The following PLEKHG6 variants were observed in gnomAD, a reference collection of about 807,000 sequenced individuals.
The protein encoded by PLEKHG6 is pleckstrin homology and RhoGEF domain containing G6, also known as pleckstrin homology domain-containing family G member 6.
A neutral mutation model predicts 97.5 loss-of-function variants in PLEKHG6; 91 were observed. The observed-to-expected ratio is 0.93, with a 90% CI of 0.79 to 1.11. The LOEUF (loss-of-function observed/expected upper bound fraction) is 1.11. Ranked by LOEUF, PLEKHG6 falls within the 50% of genes most tolerant of loss-of-function variation. The pLI, the probability that PLEKHG6 is intolerant of heterozygous loss-of-function variation, is 0.00. For missense variants in PLEKHG6, 1,044 were observed against 1,031.0 expected, an observed-to-expected ratio of 1.01 and a Z score of -0.17; for synonymous variants, 466 against 425.5, an observed-to-expected ratio of 1.10 and a Z score of -1.17.
intron 13 of PLEKHG6, among the ~76,000 whole-genome samples, chr12:6,324,295 C>CT (rs1240647345): frequency 2.0e-5 from 2 of 97,920 alleles, no homozygotes; most frequent in African/African-American, 7.2e-5. Flanking sequence ...GCCCCCCTCC[C>CT]CCCCCCGCCG....
chr12:6,312,648 G>T, intron 2 of PLEKHG6: 1 of 1,235,542 alleles, frequency 8.1e-7, no homozygotes, highest in Non-Finnish European at 1.0e-6. Flanking sequence ...TGCGGGTAAG[G>T]TCATCAAACC....
At chr12:6,321,579 C>T (rs12822404) in intron 13 of PLEKHG6, among the ~76,000 whole-genome samples, 80,177 of 151,130 alleles carry the variant, frequency 0.53, 22,175 homozygotes, top group Non-Finnish European at 0.62. Context: ...TGGCTCACGC[C>T]TGTAATCCCA....
At position 6,319,127 on chromosome 12, in the gene PLEKHG6, C is replaced by G; in HGVS notation, c.1524+19C>G. On this transcript the variant is annotated intron_variant, in intron 13 of 15. Transcript: ENST00000684764. ...GGCCCAGGTATGGGAAAGCCAGCAA[C>G]GGGGAGGCATGGGCAGGGGTCCCCG... 1 of 1,549,706 alleles carries G rather than the reference C, an allele frequency of 6.5e-7. No homozygotes were observed. Among genetic ancestry groups the G allele is most frequent in the Non-Finnish European group, 8.9e-7 (1 of 1,127,814 alleles).
rs992308507 is a variant in PLEKHG6, at chr12:6,316,886, G to C, written c.757-417G>C. ...AGTGGGGTAGAGAGGTAGGCGTACT[G>C]CCCCTGGGAGCCTTAGGTACCCCCT... On this transcript the variant is annotated intron_variant, in intron 7 of 15. Transcript: ENST00000684764. This position sits in a 1 kb window ranked among gnomAD's most constrained non-coding sequence, Gnocchi z 4.1. Among the ~76,000 whole-genome samples the C allele has an allele frequency of 9.9e-5, 15 of 152,282 alleles. No individual in the cohort carries two copies. The highest frequency in any genetic ancestry group is 6.8e-3 in the Middle Eastern group (2 of 294).
In PLEKHG6 at chr12:6,316,960, C is replaced by G. The variant is rs1019406293; in HGVS notation, c.757-343C>G. 6.6e-6 allele frequency among the ~76,000 whole-genome samples: 1 copy of G among 152,156 alleles called. No individual in the cohort carries two copies. Among genetic ancestry groups the G allele is most frequent in the Non-Finnish European group, 1.5e-5 (1 of 68,010 alleles). On this transcript the variant is annotated intron_variant, in intron 7 of 15. Transcript: ENST00000684764. This position sits in a 1 kb window ranked among gnomAD's most constrained non-coding sequence, Gnocchi z 4.1. ...CAACTCTTAGGTCGCCACCCCACCC[C>G]CAGGGTGAAATGGGATCTGCAATGT...
chr12:6,312,423 C>G (rs1337707731), intron 2 of PLEKHG6, 59 bp downstream of exon 2: 12 of 1,499,996 alleles, frequency 8.0e-6, no homozygotes, highest in Non-Finnish European at 9.8e-6. Context: ...GACACCTAGG[C>G]TGTGGAGTCT....
chr12:6,317,490 C>G (rs1215206795), intron 8 of PLEKHG6, 57 bp from the exon 9 acceptor site: 1 of 1,612,034 alleles, frequency 6.2e-7, no homozygotes, highest in Non-Finnish European at 8.5e-7. Flanking sequence ...AGGCTGAGTT[C>G]ACCACTAGGC....
intron 13 of PLEKHG6, among the ~76,000 whole-genome samples, chr12:6,326,017 G>GT (rs945043263): frequency 5.6e-4 from 86 of 152,258 alleles, no homozygotes; most frequent in African/African-American, 2.0e-3. Context: ...ATTAAATAAG[G>GT]TAATGTAGGC....
chr12:6,324,206 G>C (rs1392508108), intron 13 of PLEKHG6, among the ~76,000 whole-genome samples: 3 of 151,986 alleles, frequency 2.0e-5, no homozygotes, highest in Non-Finnish European at 4.4e-5. Flanking sequence ...AGAGGCTTTG[G>C]GCTCGCTGGG....
rs1481671966 is a variant in PLEKHG6 at position 6,328,121 on chromosome 12, C to T, written c.2364-15C>T. Reference sequence around the variant, plus strand: ...GCCACTGAATGTCGCCTAACACCCCCTCCTGTCTTTTCAGAGAGGTATGAG... The same window carrying T: ...GCCACTGAATGTCGCCTAACACCCCTTCCTGTCTTTTCAGAGAGGTATGAG... On this transcript the variant is annotated splice_polypyrimidine_tract_variant and intron_variant, in intron 15 of 15. Transcript: ENST00000684764. 2 of 1,614,084 alleles carry T rather than the reference C, an allele frequency of 1.2e-6. No homozygotes were observed. The highest frequency in any genetic ancestry group is 8.5e-7 in the Non-Finnish European group (1 of 1,179,946).
At chr12:6,319,677 T>A in intron 13 of PLEKHG6, 1 of 1,532,490 alleles carries the variant, frequency 6.5e-7, no homozygotes, top group South Asian at 1.2e-5. Context: ...CCTGAAGGTT[T>A]GTACAGCCTG....
intron 11 of PLEKHG6, 21 bp from the exon 12 acceptor site, chr12:6,318,724 C>CA (rs1947584177): frequency 6.2e-7 from 1 of 1,611,134 alleles, no homozygotes; most frequent in South Asian, 1.1e-5. Context: ...CTGTCTCTTT[C>CA]CCCTACGCCC....
Position 6,317,534 on chromosome 12 carries a change from A to C in PLEKHG6, c.868-13A>C. On this transcript the variant is annotated splice_polypyrimidine_tract_variant and intron_variant, in intron 8 of 15. Transcript: ENST00000684764. ...AGGGAGCAAACCCTGAGCCCCACCC[A>C]CCTTCCCTGCAGTGGTGTGAGAAGC... 4 of 1,612,898 alleles carry C rather than the reference A, an allele frequency of 2.5e-6. No homozygotes were observed. The highest frequency in any genetic ancestry group is 1.1e-5 in the South Asian group (1 of 90,966).
In PLEKHG6 at chr12:6,327,716, C is replaced by A. The variant is rs1169034973; in HGVS notation, c.2133C>A (p.Ser711=). 1.3e-6 allele frequency: 2 copies of A among 1,559,014 alleles called. No homozygotes were observed. Among genetic ancestry groups the A allele is most frequent in the East Asian group, 2.3e-5 (1 of 44,402 alleles). ...CTGCCGGGGAAAGCCCCTGGGAGTC[C>A]TCAGGGGAGGAGGAAGAAGAGGGGC... ...ADSAGESPWE[S]SGEEEEEGPL... The change falls in exon 15 of 16, where the codon TCC becomes TCA. Residue 711 remains serine, a synonymous_variant. Coordinates refer to ENST00000684764, the MANE Select transcript of PLEKHG6 (RefSeq NM_001384598.1).
In PLEKHG6 at chr12:6,315,154, G is replaced by A; in HGVS notation, c.444G>A (p.Leu148=). Reference sequence around the variant, plus strand: ...CCATCGAGAAGTCCTGGAGGGAGCTGGTGCCTGGGCACAAGGTGAGCCTGA... The same window carrying A: ...CCATCGAGAAGTCCTGGAGGGAGCTAGTGCCTGGGCACAAGGTGAGCCTGA... ...GLTIEKSWRE[L]VPGHKEMSQE... Residue 148 remains leucine (L), a synonymous_variant, in exon 4 of 16, where the codon CTG becomes CTA. Transcript: ENST00000684764. This position sits in a 1 kb window ranked among gnomAD's most constrained non-coding sequence, Gnocchi z 4.5. 1 of 1,611,278 alleles carries A rather than the reference G, an allele frequency of 6.2e-7. No homozygotes were observed. Among genetic ancestry groups the A allele is most frequent in the Non-Finnish European group, 8.5e-7 (1 of 1,179,706 alleles).
At chr12:6,320,492 T>C (rs1947667275) in intron 13 of PLEKHG6, among the ~76,000 whole-genome samples, 1 of 152,126 alleles carries the variant, frequency 6.6e-6, no homozygotes, top group East Asian at 1.9e-4. Flanking sequence ...CCGTGGCTTG[T>C]GGTAACAAAA....
intron 3 of PLEKHG6, 133 bp downstream of exon 3, chr12:6,313,917 G>A: frequency 1.3e-6 from 1 of 746,344 alleles, no homozygotes; most frequent in Non-Finnish European, 2.1e-6. Context: ...ACATGGCTCT[G>A]CCTAGGACCT....
chr12:6,318,083 C>T, intron 10 of PLEKHG6, 89 bp downstream of exon 10: 1 of 1,443,944 alleles, frequency 6.9e-7, no homozygotes, highest in Non-Finnish European at 9.3e-7. Flanking sequence ...ACACCCCGTA[C>T]TTGGGTGCTA....
At chr12:6,319,357 A>G (rs1947620330) in intron 13 of PLEKHG6, 2 of 646,130 alleles carry the variant, frequency 3.1e-6, no homozygotes, top group South Asian at 4.1e-5. Flanking sequence ...CTGAGGCAGG[A>G]GAATCACTTG....
Sources: gnomAD v4.1 joint callset for allele counts (sites outside exome capture counted in the v4.1 genomes callset) on GRCh38, gnomAD v4.1.1 for gene constraint, Gnocchi (gnomAD v3.1) non-coding constraint, MANE v1.5 for transcripts, NCBI Gene and HGNC (gene_info 2026-07-23, HGNC 2026-07-21) for gene names.